The following ANGPTL7 variants were observed in gnomAD, a reference collection of about 807,000 sequenced individuals.
The protein encoded by ANGPTL7 is angiopoietin like 7.
ANGPTL7 carries 37 observed loss-of-function variants against 38.8 expected under a neutral mutation model. The ratio of observed to expected loss-of-function variants is 0.95; its 90% CI spans 0.73 to 1.25. The LOEUF is 1.25. Ranked by LOEUF, ANGPTL7 falls within the 50% of genes most tolerant of loss-of-function variation. The pLI is 0.00. For missense variants in ANGPTL7, 427 were observed against 438.6 expected (o/e 0.97, Z 0.24); for synonymous variants, 166 against 163.2 (o/e 1.02, Z -0.13).
rs139216891 is a variant in ANGPTL7, at chr1:11,193,310, C to CA, written c.478-257dup. Among the ~76,000 whole-genome samples the CA allele has an allele frequency of 9.3e-4, 132 of 141,974 alleles. No homozygotes were observed. In the Middle Eastern group the frequency reaches 0.011, roughly 12 times the overall value. 93.1% of individuals were successfully genotyped at this position (141,974 alleles called of 152,430 possible). ...GGGCAACAAGAGTGAAATTCTGCTT[C>CA]AAAAAAAAAAAAAGTATCTGGATTT... On this transcript the variant is annotated intron_variant, in intron 2 of 4. Transcript: ENST00000376819.
Position 11,193,701 on chromosome 1 carries a change from G to C in ANGPTL7, c.599G>C (p.Gly200Ala), listed in dbSNP as rs770145659. Residue 200 changes from glycine to alanine, a missense_variant, in exon 3 of 5, where the codon GGG becomes GCG. Coordinates refer to ENST00000376819, the MANE Select transcript of ANGPTL7 (RefSeq NM_021146.4). ...QYKQGFGSIRGDFWLGNEHIH... is the reference protein window; with the variant it reads ...QYKQGFGSIRADFWLGNEHIH... Reference sequence around the variant, plus strand: ...AAGCAGGGCTTTGGCAGCATCCGTGGGGACTTCTGGCTGGGGAACGAACAC... The same window carrying C: ...AAGCAGGGCTTTGGCAGCATCCGTGCGGACTTCTGGCTGGGGAACGAACAC... 2 of 1,614,140 alleles carry C rather than the reference G, an allele frequency of 1.2e-6. No individual in the cohort carries two copies. Among genetic ancestry groups the C allele is most frequent in the South Asian group, 1.1e-5 (1 of 91,078 alleles).
intron 3 of ANGPTL7, 141 bp downstream of exon 3, chr1:11,193,915 A>G: frequency 1.0e-6 from 1 of 998,490 alleles, no homozygotes; most frequent in Non-Finnish European, 1.4e-6. Context: ...GTTGTAATGG[A>G]GTTGAGGAAA....
intron 4 of ANGPTL7, 76 bp downstream of exon 4, chr1:11,194,735 A>C (rs1645714146): frequency 6.2e-7 from 1 of 1,604,702 alleles, no homozygotes; most frequent in Non-Finnish European, 8.5e-7. Context: ...AGAGTGAATT[A>C]TAACTGTACA....
At chr1:11,194,404 A>T (rs776792955) in intron 3 of ANGPTL7, 57 bp from the exon 4 acceptor site, 6 of 1,539,030 alleles carry the variant, frequency 3.9e-6, no homozygotes, top group Non-Finnish European at 5.4e-6. Flanking sequence ...AGGGGTATAG[A>T]GACAGCATGA....
At position 11,193,519 on chromosome 1, in the gene ANGPTL7, C is replaced by T; in HGVS notation, c.478-61C>T. 2.7e-6 allele frequency: 4 copies of T among 1,475,984 alleles called. No individual in the cohort carries two copies. The East Asian group carries it at 9.2e-5, about 34-fold the overall frequency. 91.4% of individuals were successfully genotyped at this position (1,475,984 alleles called of 1,614,324 possible). A position where few individuals can be genotyped will look rare whatever the true frequency, so the allele number is the denominator to read the frequency against. Reference sequence around the variant, plus strand: ...GGACAGGAACAGGTTGGGAAGCCTGCCCTCTTGCTCCTGCCTTCTGCCCCT... The same window carrying T: ...GGACAGGAACAGGTTGGGAAGCCTGTCCTCTTGCTCCTGCCTTCTGCCCCT... On this transcript the variant is annotated intron_variant, in intron 2 of 4. Coordinates refer to ENST00000376819, the MANE Select transcript of ANGPTL7 (RefSeq NM_021146.4).
intron 1 of ANGPTL7, 72 bp from the exon 2 acceptor site, chr1:11,192,198 C>T (rs1161216083): frequency 7.2e-6 from 8 of 1,113,940 alleles, no homozygotes; most frequent in Non-Finnish European, 1.1e-5. Flanking sequence ...AATAAAGGCT[C>T]AGTCTCTAAA....
chr1:11,191,870 T>G (rs1645546779), intron 1 of ANGPTL7, among the ~76,000 whole-genome samples: 1 of 152,214 alleles, frequency 6.6e-6, no homozygotes, highest in Non-Finnish European at 1.5e-5. Flanking sequence ...CTATGAGATA[T>G]TCACGACTGA....
intron 3 of ANGPTL7, 26 bp downstream of exon 3, chr1:11,193,800 G>A: frequency 6.2e-7 from 1 of 1,612,580 alleles, no homozygotes; most frequent in Non-Finnish European, 8.5e-7. Context: ...GGGGCCCCAT[G>A]ACTGGACCAG....
rs556021096 is a variant in ANGPTL7, at chr1:11,192,701, C to T, written c.477+331C>T. ...CAGAGGTTGCAGTGAGCCGAGATCACGCCACTGCACTATAATCTGGGAGAC... is the reference window on the plus strand; with the variant it reads ...CAGAGGTTGCAGTGAGCCGAGATCATGCCACTGCACTATAATCTGGGAGAC... On this transcript the variant is annotated intron_variant, in intron 2 of 4. Coordinates refer to ENST00000376819, the MANE Select transcript of ANGPTL7 (RefSeq NM_021146.4). 7.5e-5 allele frequency among the ~76,000 whole-genome samples: 11 copies of T among 147,374 alleles called. 1 individual carries two copies. The East Asian group carries it at 1.2e-3, about 16-fold the overall frequency.
In ANGPTL7 at chr1:11,195,203, T is replaced by C. The variant is rs1211421925; in HGVS notation, c.*180T>C. 25 of 697,214 alleles carry C rather than the reference T, an allele frequency of 3.6e-5. No homozygotes were observed. The highest frequency in any genetic ancestry group is 7.0e-6 in the Non-Finnish European group (3 of 427,898). The allele number at this position is 697,214 out of a possible 1,614,324, so 43.2% of individuals were successfully genotyped here. On this transcript the variant is annotated 3_prime_UTR_variant, in exon 5 of 5. Transcript: ENST00000376819. The stretch of plus-strand genomic sequence containing the variant: ...ATCATATGTACCAAGGATGTTACAG[T>C]AAACAGGATGAACTATTTAAACCCA...
At chr1:11,192,400 C>G (rs746874829) in intron 2 of ANGPTL7, 30 bp downstream of exon 2, 7 of 1,534,066 alleles carry the variant, frequency 4.6e-6, no homozygotes, top group Non-Finnish European at 4.5e-6. Flanking sequence ...TGGCCATGCC[C>G]TAATACCTGT....
Position 11,194,530 on chromosome 1 carries a change from C to A in ANGPTL7, c.742C>A (p.Arg248Ser). 6.2e-7 allele frequency: 1 copy of A among 1,614,152 alleles called. No individual in the cohort carries two copies. Among genetic ancestry groups the A allele is most frequent in the Non-Finnish European group, 8.5e-7 (1 of 1,180,036 alleles). The change falls in exon 4 of 5, where the codon CGC becomes AGC. Residue 248 changes from arginine (R) to serine (S), a missense_variant. Transcript: ENST00000376819. ...TTTGGGCAATGAACTCAACAGCTAT[C>A]GCCTCTTCCTGGGGAACTACACTGG... ...FVLGNELNSYRLFLGNYTGNV... is the reference protein window; with the variant it reads ...FVLGNELNSYSLFLGNYTGNV...
rs1206619299 is a variant in ANGPTL7 at position 11,193,603 on chromosome 1, A to G, written c.501A>G (p.Ser167=). Residue 167 remains serine (S), a synonymous_variant, in exon 3 of 5, where the codon TCA becomes TCG. Coordinates refer to ENST00000376819, the MANE Select transcript of ANGPTL7 (RefSeq NM_021146.4). ...ELEVFCDMET[S]GGGWTIIQRR... is the part of the protein sequence containing the mutation. ...AGGTGTTCTGTGACATGGAGACTTC[A>G]GGCGGAGGCTGGACCATCATCCAGA... 3 of 1,602,642 alleles carry G rather than the reference A, an allele frequency of 1.9e-6. No homozygotes were observed. In the African/African-American group the frequency reaches 4.0e-5, roughly 21 times the overall value.
Position 11,193,710 on chromosome 1 carries a change from G to T in ANGPTL7, c.608G>T (p.Trp203Leu). ...TTTGGCAGCATCCGTGGGGACTTCTGGCTGGGGAACGAACACATCCACCGG... is the reference window on the plus strand; with the variant it reads ...TTTGGCAGCATCCGTGGGGACTTCTTGCTGGGGAACGAACACATCCACCGG... ...QGFGSIRGDF[W>L]LGNEHIHRLS... The change falls in exon 3 of 5, where the codon TGG (tryptophan) becomes TTG (leucine). Residue 203 changes from tryptophan (W) to leucine (L), a missense_variant. Transcript: ENST00000376819. 6.2e-7 allele frequency: 1 copy of T among 1,614,136 alleles called. No individual in the cohort carries two copies. The highest frequency in any genetic ancestry group is 8.5e-7 in the Non-Finnish European group (1 of 1,180,024).
Position 11,194,586 on chromosome 1 carries a change from TAAC to T in ANGPTL7, c.803_805del (p.Asn268del), listed in dbSNP as rs1557829337. ...TGGGGAACGACGCCCTCCAGTATCA[TAAC>T]AACACAGCCTTCAGCACCAAGGACA... is the stretch of plus-strand genomic sequence containing the variant. On this transcript the variant is annotated inframe_deletion, in exon 4 of 5. Transcript: ENST00000376819. 3.7e-6 allele frequency: 6 copies of T among 1,614,138 alleles called. No homozygotes were observed. Among genetic ancestry groups the T allele is most frequent in the East Asian group, 2.2e-5 (1 of 44,880 alleles).
rs201748440 is a variant in ANGPTL7 at position 11,194,550 on chromosome 1, C to A, written c.762C>A (p.Tyr254Ter). Residue 254 changes from tyrosine (Y) to a stop codon, truncating the protein, a stop_gained, in exon 4 of 5, where the codon TAC (tyrosine) becomes TAA (stop). Transcript: ENST00000376819. LOFTEE classifies it high-confidence loss of function. ...GCTATCGCCTCTTCCTGGGGAACTA[C>A]ACTGGCAATGTGGGGAACGACGCCC... ...LNSYRLFLGN[Y>*]TGNVGNDALQ... 6.2e-7 allele frequency: 1 copy of A among 1,614,186 alleles called. No individual in the cohort carries two copies. Among genetic ancestry groups the A allele is most frequent in the East Asian group, 2.2e-5 (1 of 44,880 alleles).
rs377375951 is a variant in ANGPTL7, at chr1:11,193,790, G to A, written c.672+16G>A. On this transcript the variant is annotated intron_variant, in intron 3 of 4. Transcript: ENST00000376819. ...AGAGATGGAGGTAAGCACAAGGCCA[G>A]GGGCCCCATGACTGGACCAGTGCCA... The A allele has an allele frequency of 5.0e-5, 81 of 1,613,320 alleles. No homozygotes were observed. The highest frequency in any genetic ancestry group is 2.5e-4 in the Admixed American group (15 of 59,930).
chr1:11,194,314 A>G (rs1173189571), intron 3 of ANGPTL7, 147 bp from the exon 4 acceptor site: 5 of 763,144 alleles, frequency 6.6e-6, no homozygotes, highest in Non-Finnish European at 1.1e-5. Context: ...AACACAGTAA[A>G]CTGGAGGTAA....
In ANGPTL7 at chr1:11,195,609, C is replaced by A. The variant is rs538680559; in HGVS notation, c.*586C>A. ...GGCTGGACTTGCGGGGAGGAAACTC[C>A]AGGGCACTGCATCTGGCGATCAGAC... On this transcript the variant is annotated 3_prime_UTR_variant, in exon 5 of 5. Transcript: ENST00000376819. 1.3e-5 allele frequency: 2 copies of A among 154,408 alleles called. No homozygotes were observed. Among genetic ancestry groups the A allele is most frequent in the South Asian group, 4.1e-4 (2 of 4,912 alleles). 9.6% of individuals were successfully genotyped at this position (154,408 alleles called of 1,614,324 possible).
Sources: allele counts gnomAD v4.1 joint callset (sites outside exome capture counted in the v4.1 genomes callset), GRCh38; gene constraint gnomAD v4.1.1; transcripts MANE v1.5; gene names NCBI Gene and HGNC (gene_info 2026-07-23, HGNC 2026-07-21).